The following STAT5A variants were observed in gnomAD, a reference collection of about 807,000 sequenced individuals.
STAT5A encodes epididymis secretory sperm binding protein.
A neutral mutation model predicts 100.2 loss-of-function variants in STAT5A; 26 were observed. The observed-to-expected ratio is 0.26, with a 90% CI of 0.19 to 0.36. STAT5A has a LOEUF of 0.36. STAT5A is among the 10% of genes least tolerant of loss of function. The pLI is 1.00. For missense variants in STAT5A, 634 were observed against 1,027.5 expected (o/e 0.62, Z 5.24); for synonymous variants, 330 against 424.3 (o/e 0.78, Z 2.73).
chr17:42,289,417 G>A lies in STAT5A; in HGVS notation c.6G>A (p.Ala2=). ...CTCGCCCTAGGTGAACGGCCATGGCGGGCTGGATCCAGGCCCAGCAGCTGC... is the reference window on the plus strand; with the variant it reads ...CTCGCCCTAGGTGAACGGCCATGGCAGGCTGGATCCAGGCCCAGCAGCTGC... M[A]GWIQAQQLQG... The change falls in exon 2 of 19, where the codon GCG becomes GCA. Residue 2 remains alanine (A), a synonymous_variant. Coordinates refer to ENST00000590949, the MANE Select transcript of STAT5A (RefSeq NM_001288718.2). 2 of 1,610,130 alleles carry A rather than the reference G, an allele frequency of 1.2e-6. No homozygotes were observed. Among genetic ancestry groups the A allele is most frequent in the South Asian group, 1.1e-5 (1 of 90,724 alleles).
chr17:42,297,452 G>T (rs1256907124), intron 5 of STAT5A, among the ~76,000 whole-genome samples: 1 of 152,020 alleles, frequency 6.6e-6, no homozygotes, highest in Non-Finnish European at 1.5e-5. Flanking sequence ...TTCAGGTTGG[G>T]TTTGGATCTA....
At chr17:42,290,960 G>A (rs1399634790) in intron 3 of STAT5A, among the ~76,000 whole-genome samples, 2 of 152,188 alleles carry the variant, frequency 1.3e-5, no homozygotes, top group African/African-American at 2.4e-5. Flanking sequence ...TGATTCAAGA[G>A]CATCACGTTT....
chr17:42,308,416 G>A lies in STAT5A; in HGVS notation c.2062+83G>A. 1.3e-6 allele frequency: 2 copies of A among 1,597,216 alleles called. No homozygotes were observed. The highest frequency in any genetic ancestry group is 1.7e-6 in the Non-Finnish European group (2 of 1,170,798). ...AGACAAAGCCTTGGGCTGCGCCGTG[G>A]GGACTTCCCCAGGAGGAGCCTAGGG... On this transcript the variant is annotated intron_variant, in intron 16 of 18. Coordinates refer to ENST00000590949, the MANE Select transcript of STAT5A (RefSeq NM_001288718.2). This position sits in a 1 kb window ranked among gnomAD's most constrained non-coding sequence, Gnocchi z 4.6.
intron 6 of STAT5A, 36 bp downstream of exon 6, chr17:42,299,917 G>T: frequency 1.9e-6 from 3 of 1,587,224 alleles, no homozygotes; most frequent in Non-Finnish European, 2.6e-6. Context: ...GGGCGTGGGT[G>T]CCATGAAGTC....
rs373828624 is a variant in STAT5A, at chr17:42,298,965, GTCTA to G, written c.551-782_551-779del. Among the ~76,000 whole-genome samples, 154 of 151,836 alleles carry G rather than the reference GTCTA, an allele frequency of 1.0e-3. 4 individuals are homozygous for G. Among genetic ancestry groups the G allele is most frequent in the African/African-American group, 3.3e-3 (137 of 41,190 alleles). ...TGGACACGCTCTCCCTCTGCGGTCT[GTCTA>G]TCTGTCTGTCTCCCCTGGTTGGTCG... On this transcript the variant is annotated intron_variant, in intron 5 of 18. Transcript: ENST00000590949.
intron 14 of STAT5A, 27 bp downstream of exon 14, chr17:42,307,523 G>T: frequency 6.2e-7 from 1 of 1,614,024 alleles, no homozygotes; most frequent in South Asian, 1.1e-5. Flanking sequence ...GCAGGGTCAG[G>T]GGCCAGCTGT....
chr17:42,288,203 T>A (rs1357841450), upstream of STAT5A: 1 of 151,896 alleles, frequency 6.6e-6, no homozygotes, highest in South Asian at 2.1e-4. This position sits in a 1 kb window ranked among gnomAD's most constrained non-coding sequence, Gnocchi z 4.8. Flanking sequence ...ACAACCACAT[T>A]CCCCCGGCTA....
intron 18 of STAT5A, chr17:42,309,737 A>G (rs2081062676): frequency 7.3e-6 from 3 of 412,690 alleles, no homozygotes; most frequent in East Asian, 8.1e-5. Context: ...TATGTGTAAA[A>G]CGGAGGCAAG....
At position 42,290,538 on chromosome 17, in the gene STAT5A, C is replaced by A. The variant is rs916983699; in HGVS notation, c.285+516C>A. ...AGGAAAGGGGTGTGGGTAGTGATGA[C>A]AGTCAAGCACTTATTGGAACTCACG... On this transcript the variant is annotated intron_variant, in intron 3 of 18. Coordinates refer to ENST00000590949, the MANE Select transcript of STAT5A (RefSeq NM_001288718.2). 2.0e-5 allele frequency among the ~76,000 whole-genome samples: 3 copies of A among 152,218 alleles called. No individual in the cohort carries two copies. In the East Asian group the frequency reaches 5.8e-4, roughly 29 times the overall value.
At chr17:42,291,858 C>A in intron 3 of STAT5A, 114 bp from the exon 4 acceptor site, 3 of 1,059,110 alleles carry the variant, frequency 2.8e-6, no homozygotes, top group Non-Finnish European at 4.2e-6. Context: ...GTTCCTGAGG[C>A]TCCCTGGGAA....
chr17:42,289,044 G>C (rs950043763), intron 1 of STAT5A, among the ~76,000 whole-genome samples: 4 of 152,250 alleles, frequency 2.6e-5, no homozygotes, highest in Non-Finnish European at 5.9e-5. Flanking sequence ...GGTGGGCTGG[G>C]GGATCCTTGC....
chr17:42,290,763 G>GA (rs1468814373), intron 3 of STAT5A, among the ~76,000 whole-genome samples: 1 of 152,156 alleles, frequency 6.6e-6, no homozygotes, highest in Admixed American at 6.5e-5. Flanking sequence ...GTTGCGTCTG[G>GA]ACGAGTACAT....
At chr17:42,292,755 T>A (rs562541720) in intron 4 of STAT5A, among the ~76,000 whole-genome samples, 1 of 151,932 alleles carries the variant, frequency 6.6e-6, no homozygotes, top group South Asian at 2.1e-4. Flanking sequence ...GCCTCCCGAG[T>A]AGCTGGGATT....
In STAT5A at chr17:42,307,414, G is replaced by T; in HGVS notation, c.1693G>T (p.Gly565Cys). Residue 565 changes from glycine to cysteine, a missense_variant, in exon 14 of 19, where the codon GGC (glycine) becomes TGC (cysteine). Gly to Cys is a radical substitution (Grantham distance 159). Transcript: ENST00000590949. Reference sequence around the variant, plus strand: ...CCTGGGCCCTCAGGAGAACTTGCCGGGCTGGAACTACACCTTCTGGCAGTG... The same window carrying T: ...CCTGGGCCCTCAGGAGAACTTGCCGTGCTGGAACTACACCTTCTGGCAGTG... ...WSQFNRENLP[G>C]WNYTFWQWFD... 6.2e-7 allele frequency: 1 copy of T among 1,613,898 alleles called. No homozygotes were observed. Among genetic ancestry groups the T allele is most frequent in the East Asian group, 2.2e-5 (1 of 44,864 alleles).
Position 42,310,711 on chromosome 17 carries a change from G to A in STAT5A, c.*42G>A. The A allele has an allele frequency of 6.2e-7, 1 of 1,612,488 alleles. No homozygotes were observed. The highest frequency in any genetic ancestry group is 1.3e-5 in the African/African-American group (1 of 75,014). On this transcript the variant is annotated 3_prime_UTR_variant, in exon 19 of 19. Coordinates refer to ENST00000590949, the MANE Select transcript of STAT5A (RefSeq NM_001288718.2). ...CTTCTCTTTGGAAACAATATGCAAT[G>A]TGAAGCGGTCGTGTTGTGAGTTTAG...
chr17:42,301,911 G>A (rs910130489), intron 9 of STAT5A, among the ~76,000 whole-genome samples: 1 of 152,222 alleles, frequency 6.6e-6, no homozygotes, highest in South Asian at 2.1e-4. Flanking sequence ...GCTTACCCCT[G>A]TAATCCCAGC....
Position 42,301,258 on chromosome 17 carries a change from C to G in STAT5A, c.990-17C>G. ...CGCCAACCCCTCATCGTGTGTCTGT[C>G]CCTGTGTCCCATGCAGCACATTCAT... On this transcript the variant is annotated splice_polypyrimidine_tract_variant and intron_variant, in intron 8 of 18. Coordinates refer to ENST00000590949, the MANE Select transcript of STAT5A (RefSeq NM_001288718.2). 1 of 1,612,106 alleles carries G rather than the reference C, an allele frequency of 6.2e-7. No homozygotes were observed. The highest frequency in any genetic ancestry group is 8.5e-7 in the Non-Finnish European group (1 of 1,178,550).
intron 18 of STAT5A, among the ~76,000 whole-genome samples, 178 bp from the exon 19 acceptor site, chr17:42,310,329 C>G (rs1481779136): frequency 2.6e-5 from 4 of 152,224 alleles, no homozygotes; most frequent in Non-Finnish European, 4.4e-5. Flanking sequence ...GAGTGGGGGT[C>G]TGCAGAAGCC....
rs117202666 is a variant in STAT5A, at chr17:42,311,653, G to A, written c.*984G>A. Reference sequence around the variant, plus strand: ...GCGTGCCTGTGGAATCTGGAGTGAGGGGTAAAAGCTGATCTGGTTTGACTC... The same window carrying A: ...GCGTGCCTGTGGAATCTGGAGTGAGAGGTAAAAGCTGATCTGGTTTGACTC... On this transcript the variant is annotated 3_prime_UTR_variant, in exon 19 of 19. Transcript: ENST00000590949. 2.6e-3 allele frequency: 401 copies of A among 152,740 alleles called. 1 individual carries two copies. Among genetic ancestry groups the A allele is most frequent in the Non-Finnish European group, 4.3e-3 (296 of 68,220 alleles). The allele number at this position is 152,740 out of a possible 1,614,324, so 9.5% of individuals were successfully genotyped here.
Sources: gnomAD v4.1 joint callset for allele counts (sites outside exome capture counted in the v4.1 genomes callset) on GRCh38, gnomAD v4.1.1 for gene constraint, Gnocchi (gnomAD v3.1) non-coding constraint, MANE v1.5 for transcripts, NCBI Gene and HGNC (gene_info 2026-07-23, HGNC 2026-07-21) for gene names.